The following CCSER2 variants were observed in gnomAD, a reference collection of about 807,000 sequenced individuals.
CCSER2 encodes coiled-coil serine rich protein 2.
In CCSER2, 46 loss-of-function variants were observed where a neutral mutation model predicts 92.3. That is an observed-to-expected ratio of 0.50 (90% CI 0.39 to 0.64). CCSER2 has a LOEUF of 0.64. Ranked by LOEUF, CCSER2 falls within the 30% of genes least tolerant of loss-of-function variation. CCSER2 has a pLI of 0.00. For synonymous variants in CCSER2, 433 were observed against 431.4 expected, an observed-to-expected ratio of 1.00 and a Z score of -0.04; for missense variants, 1,244 against 1,238.9, an observed-to-expected ratio of 1.00 and a Z score of -0.06.
At chr10:84,344,472 A>T (rs1408655117) in intron 1 of CCSER2, among the ~76,000 whole-genome samples, 1 of 151,830 alleles carries the variant, frequency 6.6e-6, no homozygotes, top group Non-Finnish European at 1.5e-5. Flanking sequence ...TTAGGGGTTT[A>T]TGAGGCTGGC....
intron 3 of CCSER2, among the ~76,000 whole-genome samples, chr10:84,414,165 G>A (rs1044955571): frequency 2.0e-5 from 3 of 152,116 alleles, no homozygotes; most frequent in African/African-American, 7.2e-5. Flanking sequence ...TAGTATTATT[G>A]TATGTAAATT....
intron 3 of CCSER2, among the ~76,000 whole-genome samples, chr10:84,379,915 T>C (rs2133207355): frequency 6.6e-6 from 1 of 152,326 alleles, no homozygotes; most frequent in East Asian, 1.9e-4. Context: ...TTATTCTTTA[T>C]TGCTAATAAT....
chr10:84,348,868 C>CA (rs1844702873), intron 1 of CCSER2, among the ~76,000 whole-genome samples: 1 of 152,014 alleles, frequency 6.6e-6, no homozygotes, highest in Non-Finnish European at 1.5e-5. Flanking sequence ...ACCATTTGCT[C>CA]TCTTTCATAT....
chr10:84,339,549 C>T (rs1844055716), intron 1 of CCSER2, among the ~76,000 whole-genome samples: 1 of 151,538 alleles, frequency 6.6e-6, no homozygotes, highest in African/African-American at 2.4e-5. Context: ...GATCTTGGCT[C>T]ACCGCAACCT....
At chr10:84,407,329 CTT>C (rs1017988782) in intron 3 of CCSER2, among the ~76,000 whole-genome samples, 1 of 151,886 alleles carries the variant, frequency 6.6e-6, no homozygotes, top group Non-Finnish European at 1.5e-5. Context: ...GTTGACTTTC[CTT>C]TTTTTGTTTT....
intron 6 of CCSER2, among the ~76,000 whole-genome samples, chr10:84,439,076 A>G (rs1328421965): frequency 2.0e-5 from 3 of 152,186 alleles, no homozygotes; most frequent in African/African-American, 7.2e-5. Flanking sequence ...GGCTGCTACT[A>G]TGATTTCAGC....
At chr10:84,483,922 C>G (rs986720637) in intron 9 of CCSER2, among the ~76,000 whole-genome samples, 6 of 137,530 alleles carry the variant, frequency 4.4e-5, no homozygotes, top group Admixed American at 3.8e-4. Context: ...GTAGCTGATA[C>G]CACAGGTGCA....
chr10:84,370,888 C>T (rs1269349262), intron 1 of CCSER2, 126 bp from the exon 2 acceptor site: 4 of 440,026 alleles, frequency 9.1e-6, no homozygotes, highest in Non-Finnish European at 1.6e-5. Flanking sequence ...GCCAGGAGTT[C>T]TGTAGGAATC....
intron 5 of CCSER2, among the ~76,000 whole-genome samples, chr10:84,426,180 T>C (rs1297886091): frequency 6.6e-6 from 1 of 152,244 alleles, no homozygotes; most frequent in African/African-American, 2.4e-5. Context: ...TTGGAAATGA[T>C]TAAATGTTAA....
intron 1 of CCSER2, among the ~76,000 whole-genome samples, chr10:84,365,389 G>A (rs767209487): frequency 5.9e-5 from 9 of 152,066 alleles, no homozygotes; most frequent in Non-Finnish European, 1.2e-4. Context: ...GCAAATATAA[G>A]GGAAAATTTC....
At chr10:84,470,096 C>T (rs1381755347) in intron 7 of CCSER2, among the ~76,000 whole-genome samples, 1 of 148,818 alleles carries the variant, frequency 6.7e-6, no homozygotes, top group Non-Finnish European at 1.5e-5. Context: ...GTACCTACCT[C>T]AGGAGTGTGG....
intron 1 of CCSER2, among the ~76,000 whole-genome samples, chr10:84,334,909 G>C (rs747898490): frequency 2.0e-5 from 3 of 152,112 alleles, no homozygotes; most frequent in Non-Finnish European, 4.4e-5. Context: ...TCCTTGATAA[G>C]GACAGTGGGA....
chr10:84,391,835 T>A (rs574772582), intron 3 of CCSER2: 3 of 1,536,206 alleles, frequency 2.0e-6, no homozygotes, highest in South Asian at 2.2e-5. Context: ...TGTACCATGA[T>A]CATTGTGAAT....
At chr10:84,450,901 TAATA>T (rs1260739482) in intron 6 of CCSER2, among the ~76,000 whole-genome samples, 4 of 152,330 alleles carry the variant, frequency 2.6e-5, no homozygotes, top group African/African-American at 9.6e-5. Flanking sequence ...TCTGAGTGTA[TAATA>T]AATTGTGTGT....
At chr10:84,348,136 A>G (rs907524115) in intron 1 of CCSER2, among the ~76,000 whole-genome samples, 1 of 152,196 alleles carries the variant, frequency 6.6e-6, no homozygotes, top group Non-Finnish European at 1.5e-5. Flanking sequence ...AGCCGAGATC[A>G]CGCCACTGCA....
At chr10:84,363,728 T>C (rs541468875) in intron 1 of CCSER2, among the ~76,000 whole-genome samples, 1 of 152,350 alleles carries the variant, frequency 6.6e-6, no homozygotes, top group South Asian at 2.1e-4. Flanking sequence ...TTGCAGTCTT[T>C]ATGGTTTTCC....
At chr10:84,336,394 A>C (rs1315868723) in intron 1 of CCSER2, among the ~76,000 whole-genome samples, 1 of 152,266 alleles carries the variant, frequency 6.6e-6, no homozygotes, top group Non-Finnish European at 1.5e-5. Flanking sequence ...GCTGTGGAGA[A>C]AAAGCAGGAA....
intron 1 of CCSER2, among the ~76,000 whole-genome samples, chr10:84,365,635 C>T (rs145474234): frequency 1.9e-4 from 29 of 152,264 alleles, no homozygotes; most frequent in African/African-American, 7.0e-4. Context: ...ACCACAAACA[C>T]CAGTAACAGT....
intron 7 of CCSER2, among the ~76,000 whole-genome samples, chr10:84,469,470 T>C (rs1269965619): frequency 6.6e-6 from 1 of 152,126 alleles, no homozygotes; most frequent in Non-Finnish European, 1.5e-5. Context: ...CTGATCTCTT[T>C]GTTAAAGAGA....
Sources: allele counts gnomAD v4.1 joint callset (sites outside exome capture counted in the v4.1 genomes callset), GRCh38; gene constraint gnomAD v4.1.1; transcripts MANE v1.5; gene names NCBI Gene and HGNC (gene_info 2026-07-23, HGNC 2026-07-21).